SCAF11: variants seen among roughly 807,000 people sequenced by gnomAD.
SCAF11 encodes the protein SR-related CTD associated factor 11.
SCAF11 carries 47 observed loss-of-function variants against 140.5 expected under a neutral mutation model. That is an observed-to-expected ratio of 0.33 (90% CI 0.26 to 0.43). SCAF11 has a LOEUF of 0.43. Ranked by LOEUF, SCAF11 falls within the 20% of genes least tolerant of loss-of-function variation. SCAF11 has a pLI of 1.00. For synonymous variants in SCAF11, 557 were observed against 579.4 expected (o/e 0.96, Z 0.55); for missense variants, 1,645 against 1,705.1 (o/e 0.96, Z 0.62).
At chr12:45,946,424 C>A (rs1017881777) in intron 5 of SCAF11, among the ~76,000 whole-genome samples, 1 of 152,174 alleles carries the variant, frequency 6.6e-6, no homozygotes, top group African/African-American at 2.4e-5. Flanking sequence ...GATTTTCCAC[C>A]TTGGGAAAAA....
At position 45,928,518 on chromosome 12, in the gene SCAF11, C is replaced by T. The variant is rs767476869; in HGVS notation, c.1183G>A (p.Ala395Thr). 1 of 1,613,986 alleles carries T rather than the reference C, an allele frequency of 6.2e-7. No homozygotes were observed. The change falls in exon 11 of 15, where the codon GCT becomes ACT. Residue 395 changes from alanine (A) to threonine (T), a missense_variant. Coordinates refer to ENST00000369367, the MANE Select transcript of SCAF11 (RefSeq NM_004719.3). ...LLKKKLRSSV[A>T]APEKSSSNDS... is the part of the protein sequence containing the mutation. ...TTGGAAGATGATTTTTCAGGGGCAG[C>T]TACAGAGCTCCGAAGTTTCTTTTTC...
At chr12:45,986,742 A>C (rs1946468228) in intron 1 of SCAF11, among the ~76,000 whole-genome samples, 1 of 152,124 alleles carries the variant, frequency 6.6e-6, no homozygotes, top group African/African-American at 2.4e-5. Flanking sequence ...AGTTTCCCCC[A>C]TACTGTTCTC....
chr12:45,968,839 T>C (rs758406448), intron 1 of SCAF11, among the ~76,000 whole-genome samples: 15 of 152,062 alleles, frequency 9.9e-5, no homozygotes, highest in Non-Finnish European at 2.2e-4. Flanking sequence ...GGCAGGAGAA[T>C]TGCTTGAACC....
chr12:45,990,529 G>A lies in SCAF11; in HGVS notation c.-198C>T, dbSNP rs1004945050. The A allele has an allele frequency of 4.1e-6, 5 of 1,231,866 alleles. No homozygotes were observed. Among genetic ancestry groups the A allele is most frequent in the African/African-American group, 3.1e-5 (2 of 64,420 alleles). 76.3% of individuals were successfully genotyped at this position (1,231,866 alleles called of 1,614,324 possible). ...TCCGGAGGCGGCGGCGAAGCAGGGA[G>A]CGACCCAGGTTGCGCTGCTCCGCGC... On this transcript the variant is annotated 5_prime_UTR_variant, in exon 1 of 15. Coordinates refer to ENST00000369367, the MANE Select transcript of SCAF11 (RefSeq NM_004719.3).
intron 3 of SCAF11, among the ~76,000 whole-genome samples, chr12:45,954,503 C>T (rs988716117): frequency 1.3e-4 from 20 of 151,626 alleles, no homozygotes; most frequent in Non-Finnish European, 2.9e-5. Flanking sequence ...GGGTTAATGG[C>T]GTGAGCTGCT....
At chr12:45,979,635 T>C (rs913803623) in intron 1 of SCAF11, among the ~76,000 whole-genome samples, 6 of 152,160 alleles carry the variant, frequency 3.9e-5, no homozygotes, top group African/African-American at 1.4e-4. Flanking sequence ...AAAGCAATTA[T>C]CTTGCACAGT....
At chr12:45,970,810 T>TCCTATA (rs1946054966) in intron 1 of SCAF11, among the ~76,000 whole-genome samples, 2 of 152,210 alleles carry the variant, frequency 1.3e-5, no homozygotes, top group Non-Finnish European at 2.9e-5. Flanking sequence ...TTACAGGTCT[T>TCCTATA]TTAATAAAAT....
chr12:45,957,886 G>C (rs535046751), intron 3 of SCAF11, among the ~76,000 whole-genome samples: 19 of 152,046 alleles, frequency 1.2e-4, no homozygotes, highest in Non-Finnish European at 2.5e-4. Context: ...GGGAAATAAT[G>C]ATTCCTACTT....
At chr12:45,940,067 A>C (rs759965099) in intron 6 of SCAF11, among the ~76,000 whole-genome samples, 1 of 152,232 alleles carries the variant, frequency 6.6e-6, no homozygotes, top group Non-Finnish European at 1.5e-5. Context: ...AGTTACACTT[A>C]CAGGTTCTCT....
chr12:45,945,635 G>GAAGC (rs1945405394), intron 5 of SCAF11, among the ~76,000 whole-genome samples: 1 of 150,292 alleles, frequency 6.7e-6, no homozygotes, highest in South Asian at 2.1e-4. Context: ...CTCCTGGGCA[G>GAAGC]AAGCAATCCT....
At chr12:45,991,963 T>G, upstream of SCAF11, 1 of 1,289,300 alleles carries the variant, frequency 7.8e-7, no homozygotes. Flanking sequence ...CGTGCTGCGC[T>G]CTCCAGCCAC....
chr12:45,953,848 T>C, intron 3 of SCAF11: 2 of 967,600 alleles, frequency 2.1e-6, no homozygotes, highest in Non-Finnish European at 2.8e-6. Flanking sequence ...TTTATGGGAA[T>C]AAATAATTCC....
intron 1 of SCAF11, among the ~76,000 whole-genome samples, chr12:45,978,051 G>A (rs986817317): frequency 6.6e-6 from 1 of 152,072 alleles, no homozygotes; most frequent in Non-Finnish European, 1.5e-5. Flanking sequence ...TATTTACAAC[G>A]CAGTACTTTA....
At chr12:45,933,316 C>T (rs1212739487) in intron 8 of SCAF11, 84 bp from the exon 9 acceptor site, 3 of 812,570 alleles carry the variant, frequency 3.7e-6, no homozygotes, top group African/African-American at 1.7e-5. Flanking sequence ...GAATAGCAGT[C>T]GTTTTTGTAC....
chr12:45,976,280 T>C (rs530094371), intron 1 of SCAF11, among the ~76,000 whole-genome samples: 1 of 152,314 alleles, frequency 6.6e-6, no homozygotes, highest in African/African-American at 2.4e-5. Context: ...CAACGTCTTG[T>C]GTCGTTCCAC....
rs1195137788 is a variant in SCAF11, at chr12:45,928,292, A to T, written c.1409T>A (p.Val470Glu). The change falls in exon 11 of 15, where the codon GTA becomes GAA. Residue 470 changes from valine to glutamate, a missense_variant. Physicochemically the swap from Val to Glu is moderately radical, Grantham distance 121. Coordinates refer to ENST00000369367, the MANE Select transcript of SCAF11 (RefSeq NM_004719.3). ...HTANYDTEER[V>E]GSSSSESCAQ... ...ACAAGACTCAGAAGATGAAGATCCT[A>T]CTCTTTCCTCTGTATCATAATTTGC... 6.2e-7 allele frequency: 1 copy of T among 1,613,806 alleles called. No homozygotes were observed. Among genetic ancestry groups the T allele is most frequent in the East Asian group, 2.2e-5 (1 of 44,874 alleles).
At chr12:45,986,257 G>A (rs1304108584) in intron 1 of SCAF11, among the ~76,000 whole-genome samples, 1 of 152,082 alleles carries the variant, frequency 6.6e-6, no homozygotes, top group Non-Finnish European at 1.5e-5. Flanking sequence ...AGCTCCAAAG[G>A]TACTTTAAGC....
At chr12:45,940,731 G>A (rs17719679) in intron 6 of SCAF11, among the ~76,000 whole-genome samples, 3,988 of 152,208 alleles carry the variant, frequency 0.026, 84 homozygotes, top group Admixed American at 0.045. Context: ...CAGTTTCACC[G>A]CATTGTATCT....
intron 1 of SCAF11, among the ~76,000 whole-genome samples, chr12:45,965,538 T>G (rs1945924683): frequency 1.3e-5 from 2 of 152,160 alleles, no homozygotes; most frequent in South Asian, 4.1e-4. Flanking sequence ...GGTCTCCAAC[T>G]CCTGGGCTCA....
Sources: gnomAD v4.1 joint callset for allele counts (sites outside exome capture counted in the v4.1 genomes callset) on GRCh38, gnomAD v4.1.1 for gene constraint, MANE v1.5 for transcripts, NCBI Gene and HGNC (gene_info 2026-07-23, HGNC 2026-07-21) for gene names.